CPXM2: variants seen among roughly 807,000 people sequenced by gnomAD.
The protein encoded by CPXM2 is carboxypeptidase X, M14 family member 2.
Under a neutral mutation model 86.1 loss-of-function variants are expected in CPXM2, and 66 were observed. That is an observed-to-expected ratio of 0.77 (90% CI 0.63 to 0.94). The LOEUF is 0.94. CPXM2 is among the 40% of genes least tolerant of loss of function. CPXM2 has a pLI of 0.00. For missense variants in CPXM2, 948 were observed against 1,026.3 expected, an observed-to-expected ratio of 0.92 and a Z score of 1.04; for synonymous variants, 388 against 400.2, an observed-to-expected ratio of 0.97 and a Z score of 0.36.
chr10:123,768,798 T>C, intron 8 of CPXM2, 76 bp from the exon 9 acceptor site: 1 of 1,315,528 alleles, frequency 7.6e-7, no homozygotes, highest in Non-Finnish European at 1.1e-6. Context: ...CACATTGTGT[T>C]GGGGGGAAAG....
intron 4 of CPXM2, among the ~76,000 whole-genome samples, chr10:123,800,593 C>A (rs191331488): frequency 1.3e-5 from 2 of 152,158 alleles, no homozygotes; most frequent in East Asian, 3.9e-4. Context: ...GGTGATACAG[C>A]AAGACAGACA....
intron 2 of CPXM2, among the ~76,000 whole-genome samples, chr10:123,919,549 A>G (rs1192572425): frequency 6.6e-6 from 1 of 152,220 alleles, no homozygotes; most frequent in Non-Finnish European, 1.5e-5. Flanking sequence ...GCTCTCAGTA[A>G]AGAAATAGAA....
At chr10:123,927,246 T>C (rs1196617458) in intron 2 of CPXM2, among the ~76,000 whole-genome samples, 1 of 152,236 alleles carries the variant, frequency 6.6e-6, no homozygotes, top group Non-Finnish European at 1.5e-5. Context: ...AGGCTTCTGC[T>C]CTGGCAGCCT....
intron 2 of CPXM2, among the ~76,000 whole-genome samples, chr10:123,898,024 C>T (rs1435390429): frequency 2.0e-5 from 3 of 152,234 alleles, no homozygotes; most frequent in Admixed American, 6.5e-5. Flanking sequence ...CCTCCCACAC[C>T]TGTAGTCTGC....
intron 10 of CPXM2, among the ~76,000 whole-genome samples, chr10:123,764,880 G>A (rs1467917215): frequency 2.6e-5 from 4 of 151,932 alleles, no homozygotes; most frequent in African/African-American, 9.7e-5. Context: ...AGAACTTAAA[G>A]TTATAAATTT....
chr10:123,833,012 A>G (rs1185936984), intron 4 of CPXM2, among the ~76,000 whole-genome samples: 1 of 152,140 alleles, frequency 6.6e-6, no homozygotes, highest in African/African-American at 2.4e-5. Flanking sequence ...TCTGGGAAAC[A>G]AAGAGGAGCC....
chr10:123,871,215 C>T (rs1188702358), intron 2 of CPXM2, among the ~76,000 whole-genome samples: 1 of 152,212 alleles, frequency 6.6e-6, no homozygotes, highest in Non-Finnish European at 1.5e-5. Flanking sequence ...AGCCTAACCT[C>T]CTAGGAAAAG....
chr10:123,830,714 C>G (rs1435101871), intron 4 of CPXM2, among the ~76,000 whole-genome samples: 2 of 151,954 alleles, frequency 1.3e-5, no homozygotes, highest in Non-Finnish European at 2.9e-5. Context: ...TAACTTTGGG[C>G]AGGACTGCTG....
chr10:123,751,167 G>C, intron 13 of CPXM2: 1 of 486,090 alleles, frequency 2.1e-6, no homozygotes, highest in African/African-American at 2.1e-5. Flanking sequence ...GGAACTGCAC[G>C]GCTTAGCGCC....
intron 4 of CPXM2, among the ~76,000 whole-genome samples, chr10:123,818,185 A>C (rs1847851489): frequency 6.6e-6 from 1 of 152,218 alleles, no homozygotes; most frequent in African/African-American, 2.4e-5. Flanking sequence ...TCAAGTGGAT[A>C]GGATGACCCA....
intron 3 of CPXM2, among the ~76,000 whole-genome samples, chr10:123,854,633 T>G (rs1848680544): frequency 6.6e-6 from 1 of 150,448 alleles, no homozygotes; most frequent in South Asian, 2.1e-4. Flanking sequence ...AAGTGATGGC[T>G]CGGCTTGTTC....
At chr10:123,775,067 T>C (rs1159352652) in intron 7 of CPXM2, among the ~76,000 whole-genome samples, 1 of 152,214 alleles carries the variant, frequency 6.6e-6, no homozygotes, top group Non-Finnish European at 1.5e-5. Flanking sequence ...TCGAATAATT[T>C]ACCCTGCGTC....
intron 3 of CPXM2, among the ~76,000 whole-genome samples, chr10:123,843,705 A>G (rs1848435876): frequency 6.6e-6 from 1 of 152,224 alleles, no homozygotes; most frequent in African/African-American, 2.4e-5. Flanking sequence ...GTCCAGCTAT[A>G]GGCGTGAACA....
At chr10:123,862,456 G>A (rs1375887628) in intron 3 of CPXM2, among the ~76,000 whole-genome samples, 158 bp downstream of exon 3, 1 of 152,220 alleles carries the variant, frequency 6.6e-6, no homozygotes, top group Admixed American at 6.5e-5. Context: ...GAGTCTCAGA[G>A]CTCTCTCTGT....
chr10:123,856,524 T>G (rs960686575), intron 3 of CPXM2, among the ~76,000 whole-genome samples: 2 of 152,166 alleles, frequency 1.3e-5, no homozygotes, highest in Non-Finnish European at 2.9e-5. Flanking sequence ...CACCTGAACA[T>G]AGGGTCACTT....
chr10:123,868,257 G>C (rs533395477), intron 2 of CPXM2, among the ~76,000 whole-genome samples: 2 of 152,284 alleles, frequency 1.3e-5, no homozygotes, highest in East Asian at 3.9e-4. Flanking sequence ...ATCATTGTCA[G>C]CACTTCAGTC....
intron 2 of CPXM2, among the ~76,000 whole-genome samples, chr10:123,909,417 A>T (rs903297831): frequency 3.3e-5 from 5 of 152,226 alleles, no homozygotes; most frequent in Non-Finnish European, 7.3e-5. Context: ...TTGAGTAATT[A>T]ACTAGTGCCA....
chr10:123,889,409 C>T (rs1945230525), intron 1 of CPXM2, among the ~76,000 whole-genome samples: 1 of 152,090 alleles, frequency 6.6e-6, no homozygotes, highest in Admixed American at 6.6e-5. Flanking sequence ...TTTTGTGCAA[C>T]CCTTAACACA....
intron 2 of CPXM2, among the ~76,000 whole-genome samples, chr10:123,939,088 C>T (rs958680656): frequency 6.6e-5 from 10 of 152,208 alleles, no homozygotes; most frequent in East Asian, 1.9e-4. Flanking sequence ...CATAAAGCCA[C>T]GAGAAGTGTA....
Sources: gnomAD v4.1 joint callset for allele counts (sites outside exome capture counted in the v4.1 genomes callset) on GRCh38, gnomAD v4.1.1 for gene constraint, MANE v1.5 for transcripts, NCBI Gene and HGNC (gene_info 2026-07-23, HGNC 2026-07-21) for gene names.